Variants in AK5 observed in about 807,000 individuals in gnomAD.
AK5 encodes the protein adenylate kinase 5.
A neutral mutation model predicts 69.5 loss-of-function variants in AK5; 27 were observed. That is an observed-to-expected ratio of 0.39 (90% confidence interval 0.29 to 0.54). AK5 has a LOEUF of 0.54. Among genes scored for constraint, AK5 ranks in the 20% least tolerant of loss-of-function variants. AK5 has a pLI of 0.71. For missense variants in AK5, 531 were observed against 700.4 expected (o/e 0.76, Z 2.73); for synonymous variants, 260 against 244.4 (o/e 1.06, Z -0.60).
chr1:77,306,484 GT>G (rs1553129847), intron 5 of AK5, among the ~76,000 whole-genome samples: 1 of 134,552 alleles, frequency 7.4e-6, no homozygotes, highest in African/African-American at 2.8e-5. Context: ...AATTTGCTAG[GT>G]TTTTTTTTGT....
chr1:77,340,514 G>T lies in AK5; in HGVS notation c.837G>T (p.Lys279Asn). 6.2e-7 allele frequency: 1 copy of T among 1,614,130 alleles called. No individual in the cohort carries two copies. Among genetic ancestry groups the T allele is most frequent in the Non-Finnish European group, 8.5e-7 (1 of 1,179,994 alleles). ...KATQRRLMNF[K>N]QNAAPLVKYF... ...CCCAAAGGAGACTAATGAACTTCAA[G>T]CAGAATGCTGCTCCATTGGTTAAAT... is the stretch of plus-strand genomic sequence containing the variant. Residue 279 changes from lysine (K) to asparagine (N), a missense_variant, in exon 6 of 14, where the codon AAG (lysine) becomes AAT (asparagine). By Grantham distance (94) the Lys-to-Asn change is moderately conservative. Transcript: ENST00000354567.
At chr1:77,485,718 A>T (rs1010429369) in intron 9 of AK5, among the ~76,000 whole-genome samples, 2 of 152,252 alleles carry the variant, frequency 1.3e-5, no homozygotes, top group African/African-American at 2.4e-5. Context: ...GTAATTTTTA[A>T]AAATAGCTTT....
chr1:77,504,195 T>C (rs545161864), intron 10 of AK5, among the ~76,000 whole-genome samples: 1 of 152,232 alleles, frequency 6.6e-6, no homozygotes, highest in Non-Finnish European at 1.5e-5. Flanking sequence ...GAATAAATTC[T>C]ACTTTTATTA....
intron 8 of AK5, among the ~76,000 whole-genome samples, chr1:77,454,677 A>G (rs74092623): frequency 0.045 from 6,905 of 152,348 alleles, 398 homozygotes; most frequent in East Asian, 0.19. Flanking sequence ...CAAGTTGAAT[A>G]TATAACACTT....
chr1:77,376,317 C>A (rs191598919), intron 6 of AK5, among the ~76,000 whole-genome samples: 2 of 151,380 alleles, frequency 1.3e-5, no homozygotes, highest in Non-Finnish European at 2.9e-5. Flanking sequence ...GCAAGTAGGT[C>A]GAAGCAGACT....
At chr1:77,347,591 T>C (rs369386326) in intron 6 of AK5, among the ~76,000 whole-genome samples, 1 of 152,230 alleles carries the variant, frequency 6.6e-6, no homozygotes, top group African/African-American at 2.4e-5. Flanking sequence ...CTGTCATTAT[T>C]GTGGGCTCTA....
At chr1:77,323,682 G>A (rs1361998161) in intron 5 of AK5, among the ~76,000 whole-genome samples, 1 of 152,166 alleles carries the variant, frequency 6.6e-6, no homozygotes, top group East Asian at 1.9e-4. Context: ...TAAGCCTTTT[G>A]GAAATTAACT....
chr1:77,436,295 A>G (rs1651955692), intron 8 of AK5, among the ~76,000 whole-genome samples: 1 of 151,988 alleles, frequency 6.6e-6, no homozygotes, highest in South Asian at 2.1e-4. Context: ...TTCTCCTCCC[A>G]AAACACATTT....
intron 2 of AK5, among the ~76,000 whole-genome samples, chr1:77,291,601 A>G (rs1658689524): frequency 6.6e-6 from 1 of 151,938 alleles, no homozygotes; most frequent in East Asian, 1.9e-4. Flanking sequence ...CTACCCACCC[A>G]TTTTATCTTC....
At chr1:77,525,168 C>T (rs1658204264) in intron 12 of AK5, among the ~76,000 whole-genome samples, 1 of 152,212 alleles carries the variant, frequency 6.6e-6, no homozygotes, top group South Asian at 2.1e-4. Flanking sequence ...CTTGGCCTCC[C>T]AAAGTGCTGG....
At chr1:77,366,124 A>T (rs1166663124) in intron 6 of AK5, among the ~76,000 whole-genome samples, 1 of 152,164 alleles carries the variant, frequency 6.6e-6, no homozygotes, top group Non-Finnish European at 1.5e-5. Flanking sequence ...ACTATTGATA[A>T]AGGGTATCAG....
At chr1:77,400,715 C>T (rs1292943848) in intron 6 of AK5, among the ~76,000 whole-genome samples, 1 of 152,084 alleles carries the variant, frequency 6.6e-6, no homozygotes, top group Non-Finnish European at 1.5e-5. Flanking sequence ...CAACAATTTT[C>T]TCTAGTATCT....
chr1:77,525,211 G>T (rs1030499501), intron 12 of AK5, among the ~76,000 whole-genome samples: 3 of 152,116 alleles, frequency 2.0e-5, no homozygotes, highest in African/African-American at 7.2e-5. Context: ...GCCCAGCCTT[G>T]ATCCATTTTC....
intron 13 of AK5, among the ~76,000 whole-genome samples, chr1:77,556,797 A>C (rs1660127117): frequency 6.6e-6 from 1 of 152,162 alleles, no homozygotes; most frequent in South Asian, 2.1e-4. Flanking sequence ...TGTTTCTCAA[A>C]GTGTGCTCCA....
chr1:77,452,169 A>G (rs1029441610), intron 8 of AK5, among the ~76,000 whole-genome samples: 1 of 152,172 alleles, frequency 6.6e-6, no homozygotes, highest in African/African-American at 2.4e-5. Context: ...ACAAGCATCC[A>G]TTATAATGCA....
At chr1:77,492,795 G>A (rs1011082964) in intron 10 of AK5, among the ~76,000 whole-genome samples, 2 of 152,168 alleles carry the variant, frequency 1.3e-5, no homozygotes, top group African/African-American at 4.8e-5. Context: ...TGTAGCAGGA[G>A]GTCCCAAAGC....
At chr1:77,298,057 T>G in intron 5 of AK5, 110 bp downstream of exon 5, 1 of 740,426 alleles carries the variant, frequency 1.4e-6, no homozygotes, top group Non-Finnish European at 2.1e-6. Context: ...TGAATTCTGG[T>G]CTGAAAACAG....
rs749712310 is a variant in AK5 at position 77,499,869 on chromosome 1, C to CTTTT, written c.1147+13517_1147+13518insTTTT. ...GATGACAGAGACCATGCCCTTTTTCCATTTTTTTTTTTTTTTTTTTTTTTT... is the reference window on the plus strand; with the variant it reads ...GATGACAGAGACCATGCCCTTTTTCCTTTTATTTTTTTTTTTTTTTTTTTTTTTT... On this transcript the variant is annotated intron_variant, in intron 10 of 13. Transcript: ENST00000354567. Among the ~76,000 whole-genome samples, 195 of 78,774 alleles carry CTTTT rather than the reference C, an allele frequency of 2.5e-3. 29 individuals are homozygous for CTTTT. The highest frequency in any genetic ancestry group is 0.013 in the Middle Eastern group (1 of 78). 51.7% of individuals were successfully genotyped at this position (78,774 alleles called of 152,430 possible). A position where few individuals can be genotyped will look rare whatever the true frequency, so the allele number is the denominator to read the frequency against.
chr1:77,521,375 C>T (rs1657973955), intron 11 of AK5, among the ~76,000 whole-genome samples: 1 of 152,118 alleles, frequency 6.6e-6, no homozygotes, highest in Non-Finnish European at 1.5e-5. Context: ...CTCAGGTGAT[C>T]CACGCACCTC....
Sources: gnomAD v4.1 joint callset for allele counts (sites outside exome capture counted in the v4.1 genomes callset) on GRCh38, gnomAD v4.1.1 for gene constraint, MANE v1.5 for transcripts, NCBI Gene and HGNC (gene_info 2026-07-23, HGNC 2026-07-21) for gene names.